Variants in PLD5 observed in about 807,000 individuals in gnomAD.
PLD5 encodes phospholipase D family member 5, also known as inactive phospholipase D5.
Under a neutral mutation model 61.1 loss-of-function variants are expected in PLD5, and 36 were observed. The ratio of observed to expected loss-of-function variants is 0.59; its 90% CI spans 0.45 to 0.78. PLD5 has a LOEUF of 0.78. Among genes scored for constraint, PLD5 ranks in the 30% least tolerant of loss-of-function variants. The pLI is 0.00. For missense variants in PLD5, 515 were observed against 644.4 expected (o/e 0.80, Z 2.17); for synonymous variants, 243 against 242.8 (o/e 1.00, Z -0.01).
chr1:242,223,823 T>C (rs1670758921), intron 4 of PLD5, among the ~76,000 whole-genome samples: 1 of 150,844 alleles, frequency 6.6e-6, no homozygotes, highest in African/African-American at 2.4e-5. Flanking sequence ...TGCTTTTATC[T>C]TTATTAATAG....
chr1:242,126,395 A>C (rs1201760426), intron 5 of PLD5, among the ~76,000 whole-genome samples: 1 of 152,226 alleles, frequency 6.6e-6, no homozygotes, highest in Non-Finnish European at 1.5e-5. Context: ...GCATCACATT[A>C]CCTGATTTCA....
intron 5 of PLD5, among the ~76,000 whole-genome samples, chr1:242,207,834 TTA>T (rs1159882646): frequency 0.016 from 711 of 45,398 alleles, 42 homozygotes; most frequent in South Asian, 0.027. Context: ...TTATATATAT[TTA>T]TATATTTATA....
intron 1 of PLD5, among the ~76,000 whole-genome samples, chr1:242,470,290 C>T (rs560784155): frequency 6.6e-6 from 1 of 150,556 alleles, no homozygotes; most frequent in Non-Finnish European, 1.5e-5. Context: ...TGCAGTGAGC[C>T]GAGATCGCAC....
intron 1 of PLD5, among the ~76,000 whole-genome samples, chr1:242,399,906 C>T (rs913516088): frequency 4.9e-4 from 74 of 152,150 alleles, no homozygotes; most frequent in East Asian, 1.9e-4. Context: ...TGGTGGCTCA[C>T]GCCTGTAATC....
At chr1:242,453,159 C>A (rs1178670144) in intron 1 of PLD5, among the ~76,000 whole-genome samples, 1 of 152,058 alleles carries the variant, frequency 6.6e-6, no homozygotes, top group Non-Finnish European at 1.5e-5. Flanking sequence ...CCCTCATGAA[C>A]GGGATTAGTA....
intron 1 of PLD5, among the ~76,000 whole-genome samples, chr1:242,442,024 T>C (rs1041710828): frequency 2.6e-5 from 4 of 151,998 alleles, no homozygotes; most frequent in African/African-American, 9.7e-5. Context: ...AAGCAAAGAG[T>C]GAAGCATTCT....
chr1:242,327,779 T>G (rs1436042316), intron 2 of PLD5, among the ~76,000 whole-genome samples: 1 of 152,186 alleles, frequency 6.6e-6, no homozygotes, highest in Non-Finnish European at 1.5e-5. Flanking sequence ...CAGAGAAGAA[T>G]AACCATCTTG....
Position 242,265,401 on chromosome 1 carries a change from A to G in PLD5, c.543T>C (p.Ile181=). The G allele has an allele frequency of 6.2e-7, 1 of 1,612,790 alleles. No homozygotes were observed. Among genetic ancestry groups the G allele is most frequent in the Non-Finnish European group, 8.5e-7 (1 of 1,179,436 alleles). ...TTACATCACTCACTAGCTTGATTTC[A>G]ATATTTTGCGAAGTCAGCTGGAGCA... is the stretch of plus-strand genomic sequence containing the variant. ...EKLLQLTSQN[I]EIKLVSDVTA... Residue 181 remains isoleucine, a synonymous_variant, in exon 4 of 10, where the codon ATT becomes ATC. Transcript: ENST00000536534.
intron 2 of PLD5, 92 bp from the exon 3 acceptor site, chr1:242,288,622 A>G (rs1317144340): frequency 1.4e-6 from 2 of 1,454,022 alleles, no homozygotes; most frequent in Non-Finnish European, 1.8e-6. Flanking sequence ...CATCTAAAAA[A>G]TATTCTTTAC....
At chr1:242,167,078 GTAATAATAA>G (rs377540462) in intron 5 of PLD5, among the ~76,000 whole-genome samples, 87 of 58,654 alleles carry the variant, frequency 1.5e-3, no homozygotes, top group South Asian at 3.5e-3. Context: ...AATAATAATA[GTAATAATAA>G]TAATAATAAT....
intron 1 of PLD5, among the ~76,000 whole-genome samples, chr1:242,483,158 C>T (rs1040639258): frequency 4.4e-4 from 67 of 152,256 alleles, no homozygotes; most frequent in South Asian, 1.2e-3. Flanking sequence ...AACTAACGAG[C>T]AAAACAACCA....
intron 2 of PLD5, among the ~76,000 whole-genome samples, chr1:242,347,514 G>A (rs1168838255): frequency 6.6e-6 from 1 of 152,150 alleles, no homozygotes; most frequent in Non-Finnish European, 1.5e-5. Flanking sequence ...AGACTACACT[G>A]TGATGTCTCT....
rs1574363219 is a variant in PLD5, at chr1:242,133,297, C to T, written c.736-8632G>A. On this transcript the variant is annotated intron_variant, in intron 5 of 9. Transcript: ENST00000536534. ...GGCAACCAATCAGACTGGTTGTGGG[C>T]CACTATTTCATTTATGTAGGGTGTA... Among the ~76,000 whole-genome samples, 7 of 152,194 alleles carry T rather than the reference C, an allele frequency of 4.6e-5. 2 individuals carry two copies. Among genetic ancestry groups the T allele is most frequent in the Admixed American group, 4.6e-4 (7 of 15,290 alleles).
At chr1:242,363,537 A>G (rs1483480916) in intron 1 of PLD5, among the ~76,000 whole-genome samples, 2 of 150,606 alleles carry the variant, frequency 1.3e-5, no homozygotes, top group Non-Finnish European at 3.0e-5. Context: ...AGGAAAGAAT[A>G]TTTTTTAAAA....
intron 5 of PLD5, among the ~76,000 whole-genome samples, chr1:242,161,130 C>T (rs915519441): frequency 1.1e-4 from 17 of 151,914 alleles, no homozygotes; most frequent in South Asian, 2.1e-4. Flanking sequence ...TCTGTTCTTA[C>T]GCTGCTAATA....
intron 1 of PLD5, among the ~76,000 whole-genome samples, chr1:242,364,138 G>A (rs1316718690): frequency 6.6e-6 from 1 of 151,954 alleles, no homozygotes; most frequent in East Asian, 1.9e-4. Flanking sequence ...CCTAATGAGA[G>A]CTTCAAAAAA....
intron 5 of PLD5, among the ~76,000 whole-genome samples, chr1:242,128,328 A>AAT (rs397763593): frequency 6.6e-6 from 1 of 150,968 alleles, no homozygotes; most frequent in Non-Finnish European, 1.5e-5. Flanking sequence ...AAAAAAAAAA[A>AAT]CCATGCTATT....
intron 1 of PLD5, among the ~76,000 whole-genome samples, chr1:242,373,796 G>A (rs1455512619): frequency 6.6e-6 from 1 of 152,022 alleles, no homozygotes; most frequent in African/African-American, 2.4e-5. Flanking sequence ...ACCAGGGCCT[G>A]TTGTGCAGTG....
intron 2 of PLD5, among the ~76,000 whole-genome samples, chr1:242,333,693 T>A (rs1294148809): frequency 6.6e-6 from 1 of 152,226 alleles, no homozygotes; most frequent in Non-Finnish European, 1.5e-5. Context: ...ACCAATCTAC[T>A]GCATATCCTC....
Sources: allele counts gnomAD v4.1 joint callset (sites outside exome capture counted in the v4.1 genomes callset), GRCh38; gene constraint gnomAD v4.1.1; transcripts MANE v1.5; gene names NCBI Gene and HGNC (gene_info 2026-07-23, HGNC 2026-07-21).